ACAP2: variants seen among roughly 807,000 people sequenced by gnomAD.
ACAP2 encodes arf-GAP with coiled-coil, ANK repeat and PH domain-containing protein 2.
Under a neutral mutation model 115.8 loss-of-function variants are expected in ACAP2, and 39 were observed. The ratio of observed to expected loss-of-function variants is 0.34; its 90% CI spans 0.26 to 0.44. The LOEUF (loss-of-function observed/expected upper bound fraction) is 0.44. ACAP2 is among the 20% of genes least tolerant of loss of function. ACAP2 has a pLI of 1.00. For missense variants in ACAP2, 662 were observed against 927.6 expected, an observed-to-expected ratio of 0.71 and a Z score of 3.72; for synonymous variants, 289 against 315.8, an observed-to-expected ratio of 0.92 and a Z score of 0.90.
In ACAP2 at chr3:195,375,228, G is replaced by T. The variant is rs550816151; in HGVS notation, c.285+5781C>A. ...TAAATAAATAAAAATAAAATATCTG[G>T]ACATGTTATACACATTCAATACATA... On this transcript the variant is annotated intron_variant, in intron 4 of 22. Transcript: ENST00000326793. Among the ~76,000 whole-genome samples the T allele has an allele frequency of 5.9e-5, 9 of 151,822 alleles. No individual in the cohort carries two copies. In the South Asian group the frequency reaches 1.9e-3, roughly 32 times the overall value.
chr3:195,328,563 G>A (rs756887489), intron 8 of ACAP2, among the ~76,000 whole-genome samples: 27 of 152,276 alleles, frequency 1.8e-4, no homozygotes, highest in East Asian at 3.9e-4. Context: ...TACATGGTGC[G>A]CTAGAAAAAT....
intron 20 of ACAP2, among the ~76,000 whole-genome samples, chr3:195,290,757 G>A (rs2108920232): frequency 6.6e-6 from 1 of 151,950 alleles, no homozygotes; most frequent in East Asian, 1.9e-4. Context: ...AGGTTGCAGT[G>A]AGCTGAGATC....
chr3:195,394,699 G>C (rs1009537550), intron 1 of ACAP2, among the ~76,000 whole-genome samples: 4 of 152,078 alleles, frequency 2.6e-5, no homozygotes, highest in Non-Finnish European at 5.9e-5. Context: ...AGACCAGCTT[G>C]GACAACAAAG....
chr3:195,278,473 C>T lies in ACAP2; in HGVS notation c.*855G>A, dbSNP rs1726275571. 1 of 152,032 alleles carries T rather than the reference C, an allele frequency of 6.6e-6. No homozygotes were observed. The highest frequency in any genetic ancestry group is 1.5e-5 in the Non-Finnish European group (1 of 68,006). 9.4% of individuals were successfully genotyped at this position (152,032 alleles called of 1,614,324 possible). ...ACATGATTTTATAAATTGATTTTTC[C>T]TTTAAAGTTTTGATGAAGGCATAAT... On this transcript the variant is annotated 3_prime_UTR_variant, in exon 23 of 23. Coordinates refer to ENST00000326793, the MANE Select transcript of ACAP2 (RefSeq NM_012287.6).
intron 1 of ACAP2, among the ~76,000 whole-genome samples, chr3:195,441,320 G>A (rs1465924296): frequency 6.6e-6 from 1 of 152,110 alleles, no homozygotes; most frequent in Non-Finnish European, 1.5e-5. Context: ...AAACCAACCT[G>A]CACGCCTGTC....
chr3:195,332,372 A>G (rs1308418692), intron 8 of ACAP2, among the ~76,000 whole-genome samples: 1 of 152,180 alleles, frequency 6.6e-6, no homozygotes, highest in African/African-American at 2.4e-5. Flanking sequence ...AGTTATGTAG[A>G]CTGCAAAACA....
intron 1 of ACAP2, among the ~76,000 whole-genome samples, chr3:195,424,156 A>G (rs917541445): frequency 6.6e-6 from 1 of 150,992 alleles, no homozygotes; most frequent in Admixed American, 6.6e-5. Flanking sequence ...GTCCCCTAGT[A>G]TAAATAGCAT....
At chr3:195,364,512 A>G in intron 4 of ACAP2, among the ~76,000 whole-genome samples, 1 of 152,032 alleles carries the variant, frequency 6.6e-6, no homozygotes, top group Admixed American at 6.6e-5. Flanking sequence ...TGGAGGTTGC[A>G]GTAAACTGAC....
intron 1 of ACAP2, among the ~76,000 whole-genome samples, chr3:195,400,238 A>ATG (rs1400619785): frequency 1.3e-5 from 2 of 151,964 alleles, no homozygotes; most frequent in African/African-American, 4.8e-5. Context: ...GTATATATAT[A>ATG]TATATTCCAG....
In ACAP2 at chr3:195,288,586, G is replaced by A. The variant is rs147694251; in HGVS notation, c.2174+535C>T. ...AAAATACAAATAATCGGCCAGGCGC[G>A]GTGGCTCACACCTGTAATCCCAGCA... On this transcript the variant is annotated intron_variant, in intron 21 of 22. Coordinates refer to ENST00000326793, the MANE Select transcript of ACAP2 (RefSeq NM_012287.6). Among the ~76,000 whole-genome samples the A allele has an allele frequency of 2.0e-3, 301 of 152,210 alleles. No homozygotes were observed. In the Middle Eastern group the frequency reaches 0.02, roughly 10 times the overall value.
Position 195,322,596 on chromosome 3 carries a change from TG to T in ACAP2, c.745-1784del, listed in dbSNP as rs535093291. Among the ~76,000 whole-genome samples, 789 of 152,188 alleles carry T rather than the reference TG, an allele frequency of 5.2e-3. 5 individuals carry two copies. Among genetic ancestry groups the T allele is most frequent in the African/African-American group, 0.018 (752 of 41,542 alleles). On this transcript the variant is annotated intron_variant, in intron 9 of 22. Transcript: ENST00000326793. ...GCTACATTGCTTCCTACTTTTTCTT[TG>T]GGGGAAAAAAAAATCAGGGAAACTT...
At chr3:195,315,785 G>C (rs1337094864) in intron 10 of ACAP2, among the ~76,000 whole-genome samples, 1 of 152,120 alleles carries the variant, frequency 6.6e-6, no homozygotes, top group African/African-American at 2.4e-5. Context: ...TTTGTAAATA[G>C]GAGGTAATGT....
chr3:195,362,552 G>A (rs548048982), intron 4 of ACAP2, among the ~76,000 whole-genome samples: 1 of 151,902 alleles, frequency 6.6e-6, no homozygotes, highest in Admixed American at 6.6e-5. Flanking sequence ...CAAAACTACA[G>A]GCCAATATCT....
At chr3:195,422,918 A>G (rs528250048) in intron 1 of ACAP2, among the ~76,000 whole-genome samples, 194 of 152,308 alleles carry the variant, frequency 1.3e-3, no homozygotes, top group Non-Finnish European at 1.9e-3. Context: ...CAATGATATG[A>G]TGAATTAAAA....
At chr3:195,415,931 GAC>G (rs1297008685) in intron 1 of ACAP2, among the ~76,000 whole-genome samples, 1 of 151,958 alleles carries the variant, frequency 6.6e-6, no homozygotes, top group Non-Finnish European at 1.5e-5. Flanking sequence ...CAAAGGATTA[GAC>G]TATCTACAAA....
At position 195,442,780 on chromosome 3, in the gene ACAP2, G is replaced by C; in HGVS notation, c.53+15C>G. 6.5e-7 allele frequency: 1 copy of C among 1,528,066 alleles called. No individual in the cohort carries two copies. Among genetic ancestry groups the C allele is most frequent in the Non-Finnish European group, 8.8e-7 (1 of 1,137,746 alleles). 94.7% of individuals were successfully genotyped at this position (1,528,066 alleles called of 1,614,324 possible). On this transcript the variant is annotated intron_variant, in intron 1 of 22. Transcript: ENST00000326793. ...AGGCAGCTCCGCGGTGACGCCGGGC[G>C]GCCGTGCCGGTTACCTGAAGCGGGG...
chr3:195,296,043 T>TGTATA, intron 16 of ACAP2, 151 bp from the exon 17 acceptor site: 2 of 610,476 alleles, frequency 3.3e-6, no homozygotes, highest in Non-Finnish European at 5.5e-6. Context: ...ATATATATAT[T>TGTATA]ATGTTTCCCT....
chr3:195,350,521 T>C (rs1731487214), intron 4 of ACAP2, among the ~76,000 whole-genome samples: 1 of 151,716 alleles, frequency 6.6e-6, no homozygotes, highest in Non-Finnish European at 1.5e-5. Context: ...GTGTAGCATG[T>C]GCCTGTGGTC....
chr3:195,404,628 G>A (rs1223404806), intron 1 of ACAP2, among the ~76,000 whole-genome samples: 3 of 151,690 alleles, frequency 2.0e-5, no homozygotes, highest in African/African-American at 4.8e-5. Context: ...TTCTTTCTCA[G>A]AAGGCTGAGG....
Sources: gnomAD v4.1 joint callset for allele counts (sites outside exome capture counted in the v4.1 genomes callset) on GRCh38, gnomAD v4.1.1 for gene constraint, MANE v1.5 for transcripts, NCBI Gene and HGNC (gene_info 2026-07-23, HGNC 2026-07-21) for gene names.